GRIN2A: variants seen among roughly 807,000 people sequenced by gnomAD.
GRIN2A encodes glutamate receptor ionotropic, NMDA 2A.
A neutral mutation model predicts 113.4 loss-of-function variants in GRIN2A; 22 were observed. The observed-to-expected ratio is 0.19, with a 90% confidence interval of 0.14 to 0.28. GRIN2A has a LOEUF of 0.28. Among genes scored for constraint, GRIN2A ranks in the 10% least tolerant of loss-of-function variants. GRIN2A has a pLI of 1.00. For missense variants in GRIN2A, 1,502 were observed against 1,887.0 expected, an observed-to-expected ratio of 0.80 and a Z score of 3.78; for synonymous variants, 827 against 738.4, an observed-to-expected ratio of 1.12 and a Z score of -1.94.
intron 2 of GRIN2A, among the ~76,000 whole-genome samples, chr16:10,171,121 C>T (rs1345534860): frequency 1.3e-5 from 2 of 152,068 alleles, no homozygotes; most frequent in African/African-American, 4.8e-5. Context: ...CATCTGAGCC[C>T]CTTCCCTAAA....
chr16:9,875,362 T>C (rs1419496235), intron 4 of GRIN2A, among the ~76,000 whole-genome samples: 1 of 152,080 alleles, frequency 6.6e-6, no homozygotes, highest in Non-Finnish European at 1.5e-5. Flanking sequence ...TCTCTATTTC[T>C]CCCCCTGTTC....
intron 4 of GRIN2A, among the ~76,000 whole-genome samples, chr16:9,880,319 T>A (rs192467484): frequency 1.9e-3 from 287 of 152,322 alleles, no homozygotes; most frequent in African/African-American, 6.8e-3. Context: ...GACTAAGCAT[T>A]CTCACACTCC....
At chr16:9,876,449 T>C (rs917302551) in intron 4 of GRIN2A, among the ~76,000 whole-genome samples, 1 of 152,140 alleles carries the variant, frequency 6.6e-6, no homozygotes, top group African/African-American at 2.4e-5. Context: ...CAATAAATAG[T>C]GTGGGCTTCC....
At chr16:10,161,851 A>G (rs536980367) in intron 2 of GRIN2A, among the ~76,000 whole-genome samples, 11 of 151,842 alleles carry the variant, frequency 7.2e-5, no homozygotes, top group Non-Finnish European at 1.5e-4. Flanking sequence ...CATCACTCCA[A>G]TCTCTGCTTC....
intron 2 of GRIN2A, among the ~76,000 whole-genome samples, chr16:10,034,157 C>G (rs562210534): frequency 9.2e-5 from 14 of 152,234 alleles, no homozygotes; most frequent in South Asian, 2.1e-4. Flanking sequence ...TCATAAGTGT[C>G]CCATAGACAA....
chr16:10,108,758 A>G (rs1234563557), intron 2 of GRIN2A, among the ~76,000 whole-genome samples: 1 of 152,224 alleles, frequency 6.6e-6, no homozygotes, highest in Non-Finnish European at 1.5e-5. Context: ...CACCAAGCAC[A>G]TTACCATGTT....
At chr16:9,771,096 C>CAGTGTT (rs564487896) in intron 11 of GRIN2A, among the ~76,000 whole-genome samples, 41 of 152,192 alleles carry the variant, frequency 2.7e-4, no homozygotes, top group African/African-American at 9.9e-4. Flanking sequence ...TTTTCATTGT[C>CAGTGTT]AGTGTTAGTG....
chr16:9,907,929 C>A (rs932270338), intron 3 of GRIN2A, among the ~76,000 whole-genome samples: 1 of 152,218 alleles, frequency 6.6e-6, no homozygotes, highest in Admixed American at 6.5e-5. Flanking sequence ...TGCGTGCCCT[C>A]ACCCCTGCAC....
chr16:9,837,116 C>A (rs1046456970), intron 7 of GRIN2A, among the ~76,000 whole-genome samples: 2 of 152,106 alleles, frequency 1.3e-5, no homozygotes, highest in South Asian at 4.1e-4. Context: ...TTTGGCTCTT[C>A]CAGATGACTA....
chr16:10,055,066 A>G (rs1033965993), intron 2 of GRIN2A, among the ~76,000 whole-genome samples: 2 of 80,658 alleles, frequency 2.5e-5, no homozygotes, highest in African/African-American at 1.2e-4. Flanking sequence ...AAAAAAAAAA[A>G]AAAAAAAAAA....
intron 2 of GRIN2A, among the ~76,000 whole-genome samples, chr16:10,045,365 G>C (rs889622791): frequency 1.3e-5 from 2 of 152,100 alleles, no homozygotes; most frequent in African/African-American, 4.8e-5. Flanking sequence ...GTCTCTGGCT[G>C]GTTTACATCC....
intron 5 of GRIN2A, among the ~76,000 whole-genome samples, chr16:9,848,282 C>T (rs559321400): frequency 2.0e-5 from 3 of 150,820 alleles, no homozygotes; most frequent in African/African-American, 7.3e-5. Context: ...GTGGCTCGAT[C>T]TCGACTTATT....
intron 2 of GRIN2A, among the ~76,000 whole-genome samples, chr16:10,038,168 G>A (rs2047069841): frequency 6.6e-6 from 1 of 152,150 alleles, no homozygotes; most frequent in Non-Finnish European, 1.5e-5. Flanking sequence ...TCAGCTTCCT[G>A]GATTACAGGC....
At chr16:10,129,298 A>C (rs1450825725) in intron 2 of GRIN2A, among the ~76,000 whole-genome samples, 1 of 152,206 alleles carries the variant, frequency 6.6e-6, no homozygotes, top group Non-Finnish European at 1.5e-5. Flanking sequence ...GGCTGGTGAT[A>C]ACTCTCTTAA....
At chr16:9,823,812 G>A (rs2042333777) in intron 9 of GRIN2A, among the ~76,000 whole-genome samples, 1 of 152,182 alleles carries the variant, frequency 6.6e-6, no homozygotes, top group Non-Finnish European at 1.5e-5. Context: ...ACCACAGGCT[G>A]AGGTCTTAAC....
intron 3 of GRIN2A, among the ~76,000 whole-genome samples, chr16:9,931,461 C>T (rs544065866): frequency 6.6e-6 from 1 of 152,246 alleles, no homozygotes; most frequent in East Asian, 1.9e-4. Context: ...TACACACGCA[C>T]CCTCTTTAGG....
chr16:9,812,284 C>A (rs1234008983), intron 10 of GRIN2A, among the ~76,000 whole-genome samples: 1 of 152,126 alleles, frequency 6.6e-6, no homozygotes, highest in Non-Finnish European at 1.5e-5. Context: ...GGAGGCAAAG[C>A]ATTTAACACA....
At position 9,938,419 on chromosome 16, in the gene GRIN2A, A is replaced by T. The variant is rs587780353; in HGVS notation, c.547T>A (p.Phe183Ile). The change falls in exon 3 of 13, where the codon TTC becomes ATC. Residue 183 changes from phenylalanine (F) to isoleucine (I), a missense_variant. By Grantham distance (21) the Phe-to-Ile change is conservative. Transcript: ENST00000330684. Reference protein sequence around the residue: ...VTTIFPGYREFISFVKTTVDN... With the variant: ...VTTIFPGYREIISFVKTTVDN... Reference sequence around the variant, plus strand: ...ACTGTGGTCTTGACGAAGCTGATGAATTCCCTGTAGCCAGGGAAGATAGTG... The same window carrying T: ...ACTGTGGTCTTGACGAAGCTGATGATTTCCCTGTAGCCAGGGAAGATAGTG... The T allele has an allele frequency of 1.8e-4, 296 of 1,613,672 alleles. No individual in the cohort carries two copies. The highest frequency in any genetic ancestry group is 2.4e-4 in the Non-Finnish European group (288 of 1,179,730).
At chr16:10,028,902 C>A (rs947434591) in intron 2 of GRIN2A, among the ~76,000 whole-genome samples, 4 of 152,192 alleles carry the variant, frequency 2.6e-5, no homozygotes, top group African/African-American at 9.7e-5. Flanking sequence ...GCTGGAGAAC[C>A]ACAGCTTGTC....
Sources: gnomAD v4.1 joint callset for allele counts (sites outside exome capture counted in the v4.1 genomes callset) on GRCh38, gnomAD v4.1.1 for gene constraint, MANE v1.5 for transcripts, NCBI Gene and HGNC (gene_info 2026-07-23, HGNC 2026-07-21) for gene names.